The following SYTL2 variants were observed in gnomAD, a reference collection of about 807,000 sequenced individuals.
SYTL2 encodes the protein synaptotagmin like 2.
A neutral mutation model predicts 198.7 loss-of-function variants in SYTL2; 165 were observed. That is an observed-to-expected ratio of 0.83 (90% CI 0.73 to 0.94). The LOEUF (loss-of-function observed/expected upper bound fraction) is 0.94. Ranked by LOEUF, SYTL2 falls within the 40% of genes least tolerant of loss-of-function variation. The pLI is 0.00. For synonymous variants in SYTL2, 966 were observed against 917.7 expected (o/e 1.05, Z -0.95); for missense variants, 2,835 against 2,582.8 (o/e 1.10, Z -2.12).
intron 1 of SYTL2, among the ~76,000 whole-genome samples, chr11:85,775,986 G>C (rs975652855): frequency 1.3e-5 from 2 of 152,234 alleles, no homozygotes; most frequent in Non-Finnish European, 2.9e-5. Flanking sequence ...CTAATGGCAG[G>C]TGTTTTGGTG....
intron 1 of SYTL2, among the ~76,000 whole-genome samples, chr11:85,794,922 T>G (rs2092780866): frequency 6.6e-6 from 1 of 151,972 alleles, no homozygotes; most frequent in Admixed American, 6.6e-5. Flanking sequence ...GAGATGGTCT[T>G]TCAAAATGCC....
the SYTL2 span, among the ~76,000 whole-genome samples, chr11:85,847,804 G>A: frequency 6.6e-6 from 1 of 152,130 alleles, no homozygotes; most frequent in African/African-American, 2.4e-5. Flanking sequence ...TTTGGCATTT[G>A]TAATTAGTTG....
At chr11:85,819,386 G>A in the SYTL2 span, among the ~76,000 whole-genome samples, 2 of 152,200 alleles carry the variant, frequency 1.3e-5, 1 homozygote, top group Middle Eastern at 6.3e-3. Context: ...CTGTGGGTTG[G>A]ATGGTTCTGT....
chr11:85,711,040 AATGAGC>A, intron 13 of SYTL2, 67 bp downstream of exon 13: 1 of 1,506,950 alleles, frequency 6.6e-7, no homozygotes, highest in Non-Finnish European at 9.0e-7. Flanking sequence ...GCTGTTTTAC[AATGAGC>A]ATGAGCATGT....
At chr11:85,786,206 T>C (rs1039366221) in intron 1 of SYTL2, among the ~76,000 whole-genome samples, 2 of 152,138 alleles carry the variant, frequency 1.3e-5, no homozygotes, top group African/African-American at 4.8e-5. Context: ...GGCAAAATTA[T>C]AGAAATGAAG....
Position 85,757,883 on chromosome 11 carries a change from G to A in SYTL2, c.-158C>T, listed in dbSNP as rs1450706202. On this transcript the variant is annotated 5_prime_UTR_variant, in exon 2 of 20. Transcript: ENST00000359152. ...TTATTTTGGCTCAGCAAAAGTTTAGGGCAGCTGATAGCAAGATCCTAAGTG... is the reference window on the plus strand; with the variant it reads ...TTATTTTGGCTCAGCAAAAGTTTAGAGCAGCTGATAGCAAGATCCTAAGTG... 1 of 994,216 alleles carries A rather than the reference G, an allele frequency of 1.0e-6. No homozygotes were observed. The highest frequency in any genetic ancestry group is 2.4e-5 in the Admixed American group (1 of 41,194). 61.6% of individuals were successfully genotyped at this position (994,216 alleles called of 1,614,324 possible).
At chr11:85,715,130 T>C (rs1362086750) in intron 11 of SYTL2, 5 of 152,244 alleles carry the variant, frequency 3.3e-5, no homozygotes, top group Admixed American at 2.6e-4. Flanking sequence ...AAAGTTAGAA[T>C]GGTTAAAGTT....
chr11:85,852,342 A>G, the SYTL2 span, among the ~76,000 whole-genome samples: 1 of 152,114 alleles, frequency 6.6e-6, no homozygotes, highest in African/African-American at 2.4e-5. Context: ...TGTAAAAGAA[A>G]GTTGTCTGCC....
chr11:85,826,175 G>A, the SYTL2 span, among the ~76,000 whole-genome samples: 5 of 152,152 alleles, frequency 3.3e-5, no homozygotes, highest in East Asian at 9.6e-4. Flanking sequence ...TATAATTTTG[G>A]CCAGATCCCC....
chr11:85,833,105 AG>A, the SYTL2 span, among the ~76,000 whole-genome samples: 1 of 59,292 alleles, frequency 1.7e-5, no homozygotes, highest in African/African-American at 6.2e-5. Context: ...GAAAGAAGGA[AG>A]GAAGGAAGGA....
intron 1 of SYTL2, among the ~76,000 whole-genome samples, chr11:85,789,354 ATATATATATATATATATATATATG>A (rs1289318219): frequency 7.1e-3 from 404 of 57,150 alleles, no homozygotes; most frequent in African/African-American, 0.025. Context: ...ATATATATAT[ATATATATATATATATATATATATG>A]TATATATATA....
rs575086099 is a variant in SYTL2, at chr11:85,777,207, C to T, written c.-389-19093G>A. Reference sequence around the variant, plus strand: ...ATGCTCTGAGTATTTTTCTTGGTAGCAGAAATGGGTGGCCCCAAGCCCTAC... The same window carrying T: ...ATGCTCTGAGTATTTTTCTTGGTAGTAGAAATGGGTGGCCCCAAGCCCTAC... On this transcript the variant is annotated intron_variant, in intron 1 of 19. Transcript: ENST00000359152. Among the ~76,000 whole-genome samples, 4 of 152,166 alleles carry T rather than the reference C, an allele frequency of 2.6e-5. No individual in the cohort carries two copies. The East Asian group carries it at 7.7e-4, about 29-fold the overall frequency.
chr11:85,784,743 G>C (rs1234704286), intron 1 of SYTL2, among the ~76,000 whole-genome samples: 1 of 152,046 alleles, frequency 6.6e-6, no homozygotes, highest in East Asian at 1.9e-4. Context: ...TAGAAGCATA[G>C]GAAATTGCCA....
chr11:85,719,086 G>A, intron 9 of SYTL2: 2 of 1,494,914 alleles, frequency 1.3e-6, no homozygotes, highest in Non-Finnish European at 8.9e-7. Flanking sequence ...AGACTCCCAA[G>A]GGTTAGAGGG....
chr11:85,769,788 G>A (rs1003392335), intron 1 of SYTL2, among the ~76,000 whole-genome samples: 4 of 152,148 alleles, frequency 2.6e-5, no homozygotes, highest in Non-Finnish European at 2.9e-5. Context: ...GTCCAGTAGC[G>A]GTGGGCTGGA....
chr11:85,707,232 T>C (rs1326593363), intron 15 of SYTL2, among the ~76,000 whole-genome samples, 197 bp downstream of exon 15: 3 of 152,198 alleles, frequency 2.0e-5, no homozygotes. Flanking sequence ...CCTGGCAGTT[T>C]ATATATGGGG....
intron 1 of SYTL2, among the ~76,000 whole-genome samples, chr11:85,777,186 T>C (rs545120850): frequency 3.7e-4 from 56 of 152,318 alleles, no homozygotes; most frequent in Non-Finnish European, 6.8e-4. Flanking sequence ...ATGTGTATGC[T>C]CTGAGTATTT....
intron 2 of SYTL2, among the ~76,000 whole-genome samples, chr11:85,752,300 G>A (rs1210192354): frequency 6.6e-6 from 1 of 152,138 alleles, no homozygotes; most frequent in Non-Finnish European, 1.5e-5. Flanking sequence ...TTTTGAATGT[G>A]AGAGCTGAAA....
intron 1 of SYTL2, among the ~76,000 whole-genome samples, chr11:85,782,887 A>G (rs2092583590): frequency 1.3e-5 from 2 of 152,228 alleles, no homozygotes; most frequent in Non-Finnish European, 2.9e-5. Flanking sequence ...CGTTGTCCAC[A>G]TCAATATCAG....
Sources: gnomAD v4.1 joint callset for allele counts (sites outside exome capture counted in the v4.1 genomes callset) on GRCh38, gnomAD v4.1.1 for gene constraint, MANE v1.5 for transcripts, NCBI Gene and HGNC (gene_info 2026-07-23, HGNC 2026-07-21) for gene names.